DDX60: variants seen among roughly 807,000 people sequenced by gnomAD.
The protein encoded by DDX60 is probable ATP-dependent RNA helicase DDX60.
In DDX60, 165 loss-of-function variants were observed where a neutral mutation model predicts 212.8. That is an observed-to-expected ratio of 0.78 (90% CI 0.68 to 0.88). DDX60 has a LOEUF of 0.88. Ranked by LOEUF, DDX60 falls within the 40% of genes least tolerant of loss-of-function variation. DDX60 has a pLI of 0.00. For missense variants in DDX60, 1,905 were observed against 2,003.9 expected (o/e 0.95, Z 0.94); for synonymous variants, 703 against 685.3 (o/e 1.03, Z -0.40).
chr4:168,227,852 C>T (rs564747102), intron 33 of DDX60, among the ~76,000 whole-genome samples: 85 of 151,974 alleles, frequency 5.6e-4, no homozygotes, highest in African/African-American at 1.9e-3. Context: ...TAACTTTTCA[C>T]GCAATTGAGA....
At chr4:168,250,298 T>C (rs1412312307) in intron 28 of DDX60, among the ~76,000 whole-genome samples, 2 of 151,972 alleles carry the variant, frequency 1.3e-5, no homozygotes, top group African/African-American at 4.8e-5. Context: ...TCCCAGCACT[T>C]TGGGAGGCTG....
Position 168,237,439 on chromosome 4 carries a change from A to G in DDX60, c.4270-12T>C, listed in dbSNP as rs749683161. The G allele has an allele frequency of 6.5e-7, 1 of 1,548,288 alleles. No homozygotes were observed. The highest frequency in any genetic ancestry group is 2.1e-5 in the Admixed American group (1 of 46,972). On this transcript the variant is annotated splice_polypyrimidine_tract_variant and intron_variant, in intron 31 of 37. Transcript: ENST00000393743. Reference sequence around the variant, plus strand: ...TGATCTAAATAGCCCTAAAGAACAAAAAACAATTTATTAGTTTGACTCAAG... The same window carrying G: ...TGATCTAAATAGCCCTAAAGAACAAGAAACAATTTATTAGTTTGACTCAAG...
At chr4:168,293,291 A>G (rs1736187515) in intron 7 of DDX60, among the ~76,000 whole-genome samples, 1 of 152,214 alleles carries the variant, frequency 6.6e-6, no homozygotes, top group Non-Finnish European at 1.5e-5. Flanking sequence ...AGGTTCTTTC[A>G]AAAGACACTT....
chr4:168,266,046 G>T (rs1734835525), intron 22 of DDX60, among the ~76,000 whole-genome samples: 1 of 152,142 alleles, frequency 6.6e-6, no homozygotes, highest in Non-Finnish European at 1.5e-5. Context: ...TCACACAAGA[G>T]ATAAGTTCCC....
In DDX60 at chr4:168,267,685, T is replaced by C. The variant is rs770578200; in HGVS notation, c.2936A>G (p.Tyr979Cys). The C allele has an allele frequency of 1.3e-6, 2 of 1,583,734 alleles. No homozygotes were observed. The highest frequency in any genetic ancestry group is 1.8e-5 in the Admixed American group (1 of 54,440). ...KQSYKVRLVL[Y>C]GERYNDLEKH... is the part of the protein sequence containing the mutation. Reference sequence around the variant, plus strand: ...CTCTAGATCATTATACCTCTCTCCATAGAGCACTAAAAATGAAGAACAAGA... The same window carrying C: ...CTCTAGATCATTATACCTCTCTCCACAGAGCACTAAAAATGAAGAACAAGA... Residue 979 changes from tyrosine (Y) to cysteine (C), a missense_variant, in exon 22 of 38, where the codon TAT (tyrosine) becomes TGT (cysteine). Transcript: ENST00000393743.
At chr4:168,298,972 C>T (rs11947635) in intron 6 of DDX60, among the ~76,000 whole-genome samples, 7,175 of 151,782 alleles carry the variant, frequency 0.047, 538 homozygotes, top group African/African-American at 0.16. Flanking sequence ...ACCATCCTGG[C>T]CAACTTGGTG....
At chr4:168,288,104 T>G (rs1735937863) in intron 9 of DDX60, 70 bp downstream of exon 9, 1 of 1,033,100 alleles carries the variant, frequency 9.7e-7, no homozygotes, top group Non-Finnish European at 1.4e-6. Flanking sequence ...AAAAATTATT[T>G]TGTAGTTTTA....
intron 7 of DDX60, among the ~76,000 whole-genome samples, chr4:168,293,466 G>A (rs1736196732): frequency 6.6e-6 from 1 of 152,106 alleles, no homozygotes; most frequent in Non-Finnish European, 1.5e-5. Flanking sequence ...GGATTTAAGG[G>A]CACAATGCAT....
intron 33 of DDX60, among the ~76,000 whole-genome samples, chr4:168,234,146 A>C (rs1733550945): frequency 6.6e-6 from 1 of 152,094 alleles, no homozygotes; most frequent in South Asian, 2.1e-4. Flanking sequence ...TAGGTGATTT[A>C]TGATTTTCTC....
Position 168,306,629 on chromosome 4 carries a change from A to G in DDX60, c.356T>C (p.Val119Ala), listed in dbSNP as rs1232133160. Residue 119 changes from valine (V) to alanine (A), a missense_variant, in exon 5 of 38, where the codon GTT (valine) becomes GCT (alanine). Coordinates refer to ENST00000393743, the MANE Select transcript of DDX60 (RefSeq NM_017631.6). ...LHLQKNTTID[V>A]RTTFSRCLSK... ...TAAGCATCTCGAAAATGTTGTTCGA[A>G]CATCAATGGTGGTATTCTTCTGAAG... is the stretch of plus-strand genomic sequence containing the variant. 6.2e-7 allele frequency: 1 copy of G among 1,614,062 alleles called. No homozygotes were observed. Among genetic ancestry groups the G allele is most frequent in the East Asian group, 2.2e-5 (1 of 44,880 alleles).
intron 15 of DDX60, 142 bp from the exon 16 acceptor site, chr4:168,275,645 T>A: frequency 1.4e-6 from 1 of 711,510 alleles, no homozygotes; most frequent in Non-Finnish European, 2.1e-6. Context: ...ATCATTGTCT[T>A]AACTAGGTAA....
At chr4:168,276,256 A>C (rs1218935049) in intron 14 of DDX60, 75 bp from the exon 15 acceptor site, 1 of 1,245,768 alleles carries the variant, frequency 8.0e-7, no homozygotes, top group Non-Finnish European at 1.1e-6. Context: ...AAGATTAATC[A>C]TCTAGATGGC....
chr4:168,323,504 G>C (rs954035922), upstream of DDX60, among the ~76,000 whole-genome samples: 1 of 152,132 alleles, frequency 6.6e-6, no homozygotes, highest in African/African-American at 2.4e-5. Flanking sequence ...GACTGGTACC[G>C]ATATATAGGC....
intron 5 of DDX60, among the ~76,000 whole-genome samples, chr4:168,303,936 C>T (rs1272316758): frequency 2.6e-5 from 4 of 151,920 alleles, no homozygotes; most frequent in Admixed American, 2.0e-4. Context: ...GAGCTGAGAT[C>T]GCACCACAGC....
At chr4:168,294,809 A>G (rs1736270548) in intron 6 of DDX60, among the ~76,000 whole-genome samples, 1 of 152,102 alleles carries the variant, frequency 6.6e-6, no homozygotes, top group African/African-American at 2.4e-5. Flanking sequence ...GCCAAACTAT[A>G]CATTTAATAA....
intron 3 of DDX60, among the ~76,000 whole-genome samples, chr4:168,310,222 T>A (rs972473485): frequency 6.6e-6 from 1 of 152,064 alleles, no homozygotes; most frequent in Non-Finnish European, 1.5e-5. Flanking sequence ...AAACAAAATG[T>A]CTTTAATTCA....
At chr4:168,321,446 G>A (rs1321965458), upstream of DDX60, among the ~76,000 whole-genome samples, 1 of 152,048 alleles carries the variant, frequency 6.6e-6, no homozygotes, top group African/African-American at 2.4e-5. Context: ...GGCCACCAAG[G>A]GGAATGACCC....
rs1579022739 is a variant in DDX60, at chr4:168,267,958, A to G, written c.2812T>C (p.Trp938Arg). 1 of 1,612,556 alleles carries G rather than the reference A, an allele frequency of 6.2e-7. No individual in the cohort carries two copies. The highest frequency in any genetic ancestry group is 1.3e-5 in the African/African-American group (1 of 74,980). Residue 938 changes from tryptophan to arginine, a missense_variant, in exon 21 of 38, where the codon TGG becomes CGG. Coordinates refer to ENST00000393743, the MANE Select transcript of DDX60 (RefSeq NM_017631.6). Reference protein sequence around the residue: ...TEWLQSVKWYWKQEDKIIENN... With the variant: ...TEWLQSVKWYRKQEDKIIENN... Reference sequence around the variant, plus strand: ...TCAATTATTTTGTCTTCTTGTTTCCAGTACCATTTTACCGATTGTAGCCAC... The same window carrying G: ...TCAATTATTTTGTCTTCTTGTTTCCGGTACCATTTTACCGATTGTAGCCAC...
Position 168,262,690 on chromosome 4 carries a change from C to T in DDX60, c.3137G>A (p.Arg1046Gln), listed in dbSNP as rs751465372. The T allele has an allele frequency of 1.1e-5, 18 of 1,606,832 alleles. No individual in the cohort carries two copies. The highest frequency in any genetic ancestry group is 4.4e-5 in the South Asian group (4 of 90,478). ...TACATCATTATTATTTACCTGGGCC[C>T]GAGGCCAACTTTTCCAAATTTGAAA... ...AMFQIWKSWP[R>Q]AQELCPENFI... The change falls in exon 23 of 38, where the codon CGG becomes CAG. Residue 1046 changes from arginine (R) to glutamine (Q), a missense_variant. Transcript: ENST00000393743.
Sources: gnomAD v4.1 joint callset for allele counts (sites outside exome capture counted in the v4.1 genomes callset) on GRCh38, gnomAD v4.1.1 for gene constraint, MANE v1.5 for transcripts, NCBI Gene and HGNC (gene_info 2026-07-23, HGNC 2026-07-21) for gene names.